Variants in ZNF385D observed in about 807,000 individuals in gnomAD.
The protein encoded by ZNF385D is zinc finger protein 659.
A neutral mutation model predicts 35.8 loss-of-function variants in ZNF385D; 15 were observed. That is an observed-to-expected ratio of 0.42 (90% CI 0.28 to 0.64). ZNF385D has a LOEUF of 0.64. Among genes scored for constraint, ZNF385D ranks in the 30% least tolerant of loss-of-function variants. The probability of loss-of-function intolerance (pLI) is 0.23; values close to 1 mark genes in which losing one functional copy is unlikely to be tolerated. For missense variants in ZNF385D, 474 were observed against 494.6 expected (o/e 0.96, Z 0.39); for synonymous variants, 212 against 186.8 (o/e 1.13, Z -1.10).
At chr3:22,028,736 G>T (rs1697724255) in intron 3 of ZNF385D, among the ~76,000 whole-genome samples, 1 of 152,194 alleles carries the variant, frequency 6.6e-6, no homozygotes, top group Non-Finnish European at 1.5e-5. Context: ...TATGGCTAAA[G>T]AAGTGTGGCA....
intron 3 of ZNF385D, among the ~76,000 whole-genome samples, chr3:21,871,558 A>G (rs1183703110): frequency 6.6e-6 from 1 of 152,142 alleles, no homozygotes; most frequent in East Asian, 1.9e-4. Context: ...GAACAAATCA[A>G]TGTATAAAGG....
At chr3:21,930,570 C>A (rs751954293) in intron 3 of ZNF385D, among the ~76,000 whole-genome samples, 1 of 151,978 alleles carries the variant, frequency 6.6e-6, no homozygotes, top group African/African-American at 2.4e-5. Context: ...TTATATTTAT[C>A]AATTGTCAAA....
chr3:21,761,318 ATTG>A (rs2070598221), intron 3 of ZNF385D, among the ~76,000 whole-genome samples: 1 of 152,194 alleles, frequency 6.6e-6, no homozygotes, highest in South Asian at 2.1e-4. Flanking sequence ...TTAAACCTTT[ATTG>A]TTGTTTTAGA....
chr3:22,195,032 A>T (rs1004765669), intron 2 of ZNF385D, among the ~76,000 whole-genome samples: 2 of 151,884 alleles, frequency 1.3e-5, no homozygotes, highest in Non-Finnish European at 2.9e-5. Flanking sequence ...TTAACTTTAT[A>T]AGAAACTGCA....
intron 2 of ZNF385D, among the ~76,000 whole-genome samples, chr3:21,660,400 C>T (rs1292118490): frequency 6.6e-6 from 1 of 152,080 alleles, no homozygotes; most frequent in Non-Finnish European, 1.5e-5. Context: ...CTGGCATCTG[C>T]AGGCACAGGA....
chr3:22,165,221 G>T (rs1259271972), intron 3 of ZNF385D, among the ~76,000 whole-genome samples: 1 of 152,208 alleles, frequency 6.6e-6, no homozygotes, highest in African/African-American at 2.4e-5. Flanking sequence ...TGTTGTGCAT[G>T]GTGTTGATAG....
intron 3 of ZNF385D, among the ~76,000 whole-genome samples, chr3:21,815,289 G>A (rs552812127): frequency 6.6e-6 from 1 of 152,070 alleles, no homozygotes; most frequent in Admixed American, 6.6e-5. Context: ...AGAAGCAAGA[G>A]CAAACAGATT....
intron 2 of ZNF385D, among the ~76,000 whole-genome samples, chr3:22,222,177 C>T (rs1403449139): frequency 2.6e-5 from 4 of 151,828 alleles, no homozygotes; most frequent in Non-Finnish European, 5.9e-5. Context: ...GGGATTCACC[C>T]TGTTGGCTAG....
intron 2 of ZNF385D, among the ~76,000 whole-genome samples, chr3:22,211,854 C>G (rs1448785563): frequency 1.3e-5 from 2 of 151,912 alleles, no homozygotes; most frequent in African/African-American, 4.8e-5. Flanking sequence ...ATTCCTTCGT[C>G]TTCCTTTTCC....
chr3:22,022,461 T>G (rs918022248), intron 3 of ZNF385D, among the ~76,000 whole-genome samples: 3 of 152,104 alleles, frequency 2.0e-5, no homozygotes, highest in Non-Finnish European at 2.9e-5. Context: ...TCAGAGAAAA[T>G]GAACAGCATC....
chr3:22,146,705 G>A (rs1704881527), intron 3 of ZNF385D, among the ~76,000 whole-genome samples: 1 of 152,016 alleles, frequency 6.6e-6, no homozygotes, highest in Non-Finnish European at 1.5e-5. Context: ...TAGAAATATT[G>A]ATTCTGACAT....
intron 2 of ZNF385D, among the ~76,000 whole-genome samples, chr3:21,606,602 C>T (rs981802246): frequency 6.6e-6 from 1 of 152,198 alleles, no homozygotes; most frequent in African/African-American, 2.4e-5. Context: ...GGCCAGGTCT[C>T]CTAACTCCCA....
At chr3:22,358,064 A>G (rs750349782) in intron 2 of ZNF385D, among the ~76,000 whole-genome samples, 4 of 151,906 alleles carry the variant, frequency 2.6e-5, no homozygotes. Context: ...CTTATGCAGT[A>G]CTGGGCACTC....
chr3:22,045,211 G>A (rs1197106411), intron 3 of ZNF385D, among the ~76,000 whole-genome samples: 2 of 151,938 alleles, frequency 1.3e-5, no homozygotes, highest in Non-Finnish European at 2.9e-5. Flanking sequence ...TCCTCTAGTA[G>A]TTTTATAGAT....
intron 1 of ZNF385D, among the ~76,000 whole-genome samples, chr3:21,736,625 T>C (rs1046293516): frequency 2.0e-5 from 3 of 152,210 alleles, no homozygotes; most frequent in African/African-American, 7.2e-5. Flanking sequence ...GCACAGGACG[T>C]CTTTCAACTT....
intron 3 of ZNF385D, among the ~76,000 whole-genome samples, chr3:22,047,821 A>T (rs1253601810): frequency 2.0e-5 from 3 of 152,142 alleles, no homozygotes; most frequent in Non-Finnish European, 4.4e-5. Context: ...AGGAATTTTC[A>T]TACTGTTTTC....
intron 2 of ZNF385D, among the ~76,000 whole-genome samples, chr3:22,239,209 T>C (rs1021892612): frequency 4.6e-5 from 7 of 151,254 alleles, no homozygotes; most frequent in African/African-American, 1.7e-4. Flanking sequence ...TTGCCAAATC[T>C]TGCCTGCTAC....
chr3:21,891,396 T>C (rs972624708), intron 3 of ZNF385D, among the ~76,000 whole-genome samples: 2 of 152,190 alleles, frequency 1.3e-5, no homozygotes, highest in Non-Finnish European at 2.9e-5. Flanking sequence ...AGTTCAAATG[T>C]CTGCCCAGCC....
intron 2 of ZNF385D, among the ~76,000 whole-genome samples, chr3:22,181,788 A>G (rs1695297089): frequency 6.6e-6 from 1 of 151,844 alleles, no homozygotes; most frequent in South Asian, 2.1e-4. Flanking sequence ...ATGCCCATAG[A>G]CTCTCCTTCA....
Sources: allele counts gnomAD v4.1 joint callset (sites outside exome capture counted in the v4.1 genomes callset), GRCh38; gene constraint gnomAD v4.1.1; transcripts MANE v1.5; gene names NCBI Gene and HGNC (gene_info 2026-07-23, HGNC 2026-07-21).